The following AFAP1 variants were observed in gnomAD, a reference collection of about 807,000 sequenced individuals.
AFAP1 encodes actin filament associated protein 1, also known as actin filament-associated protein 1.
Under a neutral mutation model 93.9 loss-of-function variants are expected in AFAP1, and 75 were observed. That is an observed-to-expected ratio of 0.80 (90% CI 0.66 to 0.97). AFAP1 has a LOEUF of 0.97. AFAP1 is among the 50% of genes least tolerant of loss of function. The pLI, the probability that AFAP1 is intolerant of heterozygous loss-of-function variation, is 0.00. For synonymous variants in AFAP1, 517 were observed against 430.7 expected (o/e 1.20, Z -2.48); for missense variants, 1,201 against 1,050.8 (o/e 1.14, Z -1.98).
intron 6 of AFAP1, among the ~76,000 whole-genome samples, chr4:7,829,060 C>G (rs1040632847): frequency 2.0e-5 from 3 of 152,188 alleles, no homozygotes; most frequent in Non-Finnish European, 4.4e-5. Context: ...CTCTTTTGCT[C>G]CGCACTTCTC....
chr4:7,848,283 G>C (rs77290597), intron 4 of AFAP1, among the ~76,000 whole-genome samples: 1 of 150,932 alleles, frequency 6.6e-6, no homozygotes, highest in Non-Finnish European at 1.5e-5. Context: ...TATTAGGGGG[G>C]ATGGCTCATG....
intron 1 of AFAP1, among the ~76,000 whole-genome samples, chr4:7,878,309 G>T (rs1272515604): frequency 6.6e-6 from 1 of 152,216 alleles, no homozygotes; most frequent in African/African-American, 2.4e-5. Flanking sequence ...CAGAGCTATT[G>T]CTGTTTCTTA....
intron 6 of AFAP1, among the ~76,000 whole-genome samples, chr4:7,826,681 C>A (rs113279379): frequency 1.3e-5 from 2 of 152,204 alleles, no homozygotes; most frequent in African/African-American, 4.8e-5. Context: ...TGATCCAACA[C>A]GTCAATGGTT....
chr4:7,823,458 G>A (rs1217652344), intron 6 of AFAP1, among the ~76,000 whole-genome samples: 1 of 152,048 alleles, frequency 6.6e-6, no homozygotes, highest in Non-Finnish European at 1.5e-5. Context: ...TTTTTTAAAG[G>A]AAAGTAGATA....
chr4:7,893,351 C>G (rs917048418), intron 1 of AFAP1, among the ~76,000 whole-genome samples: 1 of 152,092 alleles, frequency 6.6e-6, no homozygotes, highest in African/African-American at 2.4e-5. Context: ...GAGGCCGAGG[C>G]GGGCGGATCA....
chr4:7,939,450 C>T lies in AFAP1; in HGVS notation c.-3+206G>A, dbSNP rs1443305369. Reference sequence around the variant, plus strand: ...CGGGGAGCTGGGGAGCAGTGGGGACCGGCCCCCACCCGCAGGACGACCGGG... The same window carrying T: ...CGGGGAGCTGGGGAGCAGTGGGGACTGGCCCCCACCCGCAGGACGACCGGG... On this transcript the variant is annotated intron_variant, in intron 1 of 17. Coordinates refer to ENST00000420658, the MANE Select transcript of AFAP1 (RefSeq NM_001134647.2). This position sits in a 1 kb window ranked among gnomAD's most constrained non-coding sequence, Gnocchi z 5.6. The T allele has an allele frequency of 1.4e-5, 4 of 290,310 alleles. No individual in the cohort carries two copies. The highest frequency in any genetic ancestry group is 2.6e-5 in the South Asian group (1 of 37,834). The allele number at this position is 290,310 out of a possible 1,614,324, so 18.0% of individuals were successfully genotyped here. A position where few individuals can be genotyped will look rare whatever the true frequency, so the allele number is the denominator to read the frequency against.
At chr4:7,808,382 C>T (rs1719714795) in intron 9 of AFAP1, among the ~76,000 whole-genome samples, 1 of 152,260 alleles carries the variant, frequency 6.6e-6, no homozygotes, top group South Asian at 2.1e-4. Context: ...TCCCTCCTAT[C>T]GCCAACCAGA....
Position 7,762,049 on chromosome 4 carries a change from A to T in AFAP1, c.*1716T>A, listed in dbSNP as rs1200678849. 2.0e-5 allele frequency: 3 copies of T among 152,284 alleles called. No homozygotes were observed. Among genetic ancestry groups the T allele is most frequent in the African/African-American group, 7.2e-5 (3 of 41,468 alleles). The allele number at this position is 152,284 out of a possible 1,614,324, so 9.4% of individuals were successfully genotyped here. A position where few individuals can be genotyped will look rare whatever the true frequency, so the allele number is the denominator to read the frequency against. ...AACCGTTCCCAGCAGATGGCTTTGC[A>T]ATCAATTCAAGTTCAGGTGGACTCA... On this transcript the variant is annotated 3_prime_UTR_variant, in exon 18 of 18. Coordinates refer to ENST00000420658, the MANE Select transcript of AFAP1 (RefSeq NM_001134647.2).
chr4:7,874,530 A>ATT (rs71175435), intron 1 of AFAP1, among the ~76,000 whole-genome samples: 4,561 of 51,124 alleles, frequency 0.089, 667 homozygotes, highest in Non-Finnish European at 0.099. Flanking sequence ...TGCCCAGCTA[A>ATT]TTTTTTTTTT....
chr4:7,772,943 C>G lies in AFAP1; in HGVS notation c.2130G>C (p.Glu710Asp), dbSNP rs1715640201. Reference protein sequence around the residue: ...KQLEEECRQKEAERVSLELEL... With the variant: ...KQLEEECRQKDAERVSLELEL... Reference sequence around the variant, plus strand: ...CCAGCTCCAGGCTGACACGCTCCGCCTCCTTCTGCCGGCACTCCTCCTCCA... The same window carrying G: ...CCAGCTCCAGGCTGACACGCTCCGCGTCCTTCTGCCGGCACTCCTCCTCCA... The change falls in exon 16 of 18, where the codon GAG becomes GAC. Residue 710 changes from glutamate to aspartate, a missense_variant. By Grantham distance (45) the Glu-to-Asp change is conservative. Coordinates refer to ENST00000420658, the MANE Select transcript of AFAP1 (RefSeq NM_001134647.2). 1 of 1,613,706 alleles carries G rather than the reference C, an allele frequency of 6.2e-7. No individual in the cohort carries two copies. Among genetic ancestry groups the G allele is most frequent in the Non-Finnish European group, 8.5e-7 (1 of 1,180,040 alleles).
At chr4:7,856,940 C>T (rs1330256487) in intron 3 of AFAP1, among the ~76,000 whole-genome samples, 2 of 152,210 alleles carry the variant, frequency 1.3e-5, no homozygotes, top group South Asian at 2.1e-4. Flanking sequence ...TTATATTTTA[C>T]AGATACAGAA....
At chr4:7,916,118 A>G (rs542839316) in intron 1 of AFAP1, among the ~76,000 whole-genome samples, 1 of 152,270 alleles carries the variant, frequency 6.6e-6, no homozygotes, top group African/African-American at 2.4e-5. Flanking sequence ...TACCAGGAGC[A>G]CCTTGAAATG....
chr4:7,786,119 G>C, intron 12 of AFAP1, 75 bp downstream of exon 12: 2 of 1,368,442 alleles, frequency 1.5e-6, no homozygotes, highest in Non-Finnish European at 2.1e-6. Flanking sequence ...TGAAACCAGG[G>C]GAACTGAAGC....
chr4:7,809,372 GA>G, intron 9 of AFAP1: 2 of 342,626 alleles, frequency 5.8e-6, no homozygotes, highest in Non-Finnish European at 1.0e-5. Context: ...GGATTAAAGG[GA>G]AATTTTTTTT....
At chr4:7,772,132 C>A (rs1448321910) in intron 16 of AFAP1, 2 of 152,190 alleles carry the variant, frequency 1.3e-5, no homozygotes, top group African/African-American at 2.4e-5. Context: ...GGGGCACCCA[C>A]GGTGTTTCGG....
chr4:7,898,239 T>A (rs1194367672), intron 1 of AFAP1, among the ~76,000 whole-genome samples: 2 of 152,022 alleles, frequency 1.3e-5, no homozygotes, highest in African/African-American at 4.8e-5. Flanking sequence ...GTGAAACCCC[T>A]CTAATAAAAA....
In AFAP1 at chr4:7,762,232, A is replaced by C. The variant is rs931859511; in HGVS notation, c.*1533T>G. 6.6e-6 allele frequency: 1 copy of C among 152,230 alleles called. No homozygotes were observed. Among genetic ancestry groups the C allele is most frequent in the African/African-American group, 2.4e-5 (1 of 41,450 alleles). 9.4% of individuals were successfully genotyped at this position (152,230 alleles called of 1,614,324 possible). ...GTGCACCACACAGCTAGCGCTCTGA[A>C]AGTATGTCTGGGGGAAACCCAAGGA... On this transcript the variant is annotated 3_prime_UTR_variant, in exon 18 of 18. Transcript: ENST00000420658.
At chr4:7,812,688 C>T (rs1002554099) in intron 8 of AFAP1, among the ~76,000 whole-genome samples, 10 of 152,124 alleles carry the variant, frequency 6.6e-5, no homozygotes, top group Non-Finnish European at 1.2e-4. Flanking sequence ...CACTGGCGCA[C>T]GCCACTGGAG....
chr4:7,889,979 T>A (rs1577337510), intron 1 of AFAP1, among the ~76,000 whole-genome samples: 3 of 99,234 alleles, frequency 3.0e-5, no homozygotes, highest in Admixed American at 1.4e-4. Context: ...ACAATCTCAA[T>A]CAAGATCCCA....
Sources: gnomAD v4.1 joint callset for allele counts (sites outside exome capture counted in the v4.1 genomes callset) on GRCh38, gnomAD v4.1.1 for gene constraint, Gnocchi (gnomAD v3.1) non-coding constraint, MANE v1.5 for transcripts, NCBI Gene and HGNC (gene_info 2026-07-23, HGNC 2026-07-21) for gene names.